The following CCSER1 variants were observed in gnomAD, a reference collection of about 807,000 sequenced individuals.
The protein encoded by CCSER1 is serine-rich coiled-coil domain-containing protein 1.
Under a neutral mutation model 82.0 loss-of-function variants are expected in CCSER1, and 41 were observed. The ratio of observed to expected loss-of-function variants is 0.50; its 90% CI spans 0.39 to 0.65. The LOEUF is 0.65. CCSER1 is among the 30% of genes least tolerant of loss of function. The pLI, the probability that CCSER1 is intolerant of heterozygous loss-of-function variation, is 0.00. For synonymous variants in CCSER1, 414 were observed against 383.9 expected (o/e 1.08, Z -0.92); for missense variants, 1,119 against 1,064.2 (o/e 1.05, Z -0.72).
chr4:91,431,511 G>A (rs774783786), intron 10 of CCSER1, among the ~76,000 whole-genome samples: 5 of 151,854 alleles, frequency 3.3e-5, no homozygotes, highest in East Asian at 1.9e-4. Context: ...CTTGTTGCCC[G>A]GGCTGGAGTG....
chr4:90,604,943 G>C (rs1217248683), intron 5 of CCSER1, among the ~76,000 whole-genome samples: 1 of 152,194 alleles, frequency 6.6e-6, no homozygotes, highest in African/African-American at 2.4e-5. Context: ...ATGTGGATGG[G>C]GTCAGATAAG....
At chr4:91,308,102 C>T (rs1261781942) in intron 10 of CCSER1, among the ~76,000 whole-genome samples, 9 of 151,902 alleles carry the variant, frequency 5.9e-5, no homozygotes, top group Middle Eastern at 3.4e-3. Flanking sequence ...TTCTTATTTC[C>T]AAAAAGGCAT....
rs1730351613 is a variant in CCSER1, at chr4:90,933,028, G to GAAAGAAAGAAAGAAAGA, written c.2172+9582_2172+9598dup. 6.9e-5 allele frequency among the ~76,000 whole-genome samples: 6 copies of GAAAGAAAGAAAGAAAGA among 87,064 alleles called. 1 individual carries two copies. In the East Asian group the frequency reaches 1.3e-3, roughly 18 times the overall value. The allele number at this position is 87,064 out of a possible 152,430, so 57.1% of individuals were successfully genotyped here. On this transcript the variant is annotated intron_variant, in intron 9 of 10. Transcript: ENST00000509176. ...AGAAAGAAAGAAAGAAAGAAAGAAAGAAAGAAAGAAAGAAAGAGAAGGAAG... is the reference window on the plus strand; with the variant it reads ...AGAAAGAAAGAAAGAAAGAAAGAAAGAAAGAAAGAAAGAAAGAAAAGAAAGAAAGAAAGAGAAGGAAG...
intron 9 of CCSER1, among the ~76,000 whole-genome samples, chr4:90,965,900 T>C (rs1734516981): frequency 6.6e-6 from 1 of 151,956 alleles, no homozygotes. Context: ...AATAAAGAAA[T>C]CAGCAAAGAG....
At chr4:91,075,918 A>G in intron 9 of CCSER1, among the ~76,000 whole-genome samples, 1 of 152,290 alleles carries the variant, frequency 6.6e-6, no homozygotes, top group East Asian at 1.9e-4. Context: ...TTCCTAGCAT[A>G]GGTTGTAAGT....
intron 10 of CCSER1, among the ~76,000 whole-genome samples, chr4:91,262,298 G>C (rs540745495): frequency 1.3e-5 from 2 of 151,828 alleles, no homozygotes; most frequent in South Asian, 4.2e-4. Flanking sequence ...ATACATTTAG[G>C]ACAAAATAGA....
At chr4:91,556,658 T>C (rs752791899) in intron 10 of CCSER1, among the ~76,000 whole-genome samples, 12 of 151,134 alleles carry the variant, frequency 7.9e-5, no homozygotes, top group Non-Finnish European at 1.5e-4. Context: ...GCCGACTCCA[T>C]GATCTTAGGG....
rs1031733192 is a variant in CCSER1 at position 91,262,248 on chromosome 4, T to C, written c.2217+176254T>C. ...AGATGAGGATAAAAATAAATCTACC[T>C]CTTAAGTTTCTTGTGAGTTTACAAT... is the stretch of plus-strand genomic sequence containing the variant. On this transcript the variant is annotated intron_variant, in intron 10 of 10. Coordinates refer to ENST00000509176, the MANE Select transcript of CCSER1 (RefSeq NM_001145065.2). Among the ~76,000 whole-genome samples the C allele has an allele frequency of 1.1e-4, 17 of 152,212 alleles. No individual in the cohort carries two copies. The East Asian group carries it at 3.3e-3, about 29-fold the overall frequency.
intron 1 of CCSER1, among the ~76,000 whole-genome samples, chr4:90,195,992 T>C (rs1245643266): frequency 1.3e-5 from 2 of 152,118 alleles, no homozygotes; most frequent in African/African-American, 4.8e-5. Context: ...CCCAATATCT[T>C]TTCCTTTGTT....
At chr4:90,146,287 A>G (rs1725797583) in intron 1 of CCSER1, among the ~76,000 whole-genome samples, 1 of 152,096 alleles carries the variant, frequency 6.6e-6, no homozygotes, top group African/African-American at 2.4e-5. Context: ...TCAGAGGAAT[A>G]TTTTAATATG....
At chr4:90,642,006 A>G in intron 6 of CCSER1, 1 of 310,054 alleles carries the variant, frequency 3.2e-6, no homozygotes, top group South Asian at 2.5e-5. Context: ...GTGTGATTCG[A>G]TGGGCTAAAT....
chr4:90,771,978 G>T (rs1580395219), intron 7 of CCSER1, among the ~76,000 whole-genome samples: 2 of 151,994 alleles, frequency 1.3e-5, no homozygotes. Context: ...TAAATCCCAG[G>T]TGCTGCCAGA....
chr4:91,493,040 G>T (rs1758631807), intron 10 of CCSER1, among the ~76,000 whole-genome samples: 1 of 151,944 alleles, frequency 6.6e-6, no homozygotes, highest in Non-Finnish European at 1.5e-5. Flanking sequence ...ATCTCTGAAA[G>T]CAATATGAAA....
chr4:90,200,061 GACACACAC>G (rs71596519), intron 1 of CCSER1, among the ~76,000 whole-genome samples: 12 of 144,864 alleles, frequency 8.3e-5, no homozygotes, highest in East Asian at 2.1e-4. Context: ...CGTGCACGCA[GACACACAC>G]ACACACACAC....
At chr4:90,471,547 AG>A (rs1764396458) in intron 5 of CCSER1, among the ~76,000 whole-genome samples, 2 of 152,140 alleles carry the variant, frequency 1.3e-5, no homozygotes, top group Non-Finnish European at 2.9e-5. Context: ...TAGAGATGCA[AG>A]AACATATAAA....
intron 1 of CCSER1, among the ~76,000 whole-genome samples, chr4:90,266,638 C>T (rs1450946953): frequency 6.6e-6 from 1 of 152,058 alleles, no homozygotes; most frequent in Non-Finnish European, 1.5e-5. Context: ...CTGCACAGCA[C>T]AGGAGAGAGA....
At chr4:91,236,581 T>C (rs74811722) in intron 10 of CCSER1, among the ~76,000 whole-genome samples, 2,122 of 152,314 alleles carry the variant, frequency 0.014, 44 homozygotes, top group African/African-American at 0.048. Context: ...TGGAATACTG[T>C]ATTTAAAATT....
In CCSER1 at chr4:90,362,715, C is replaced by A. The variant is rs1024333502; in HGVS notation, c.1510-37321C>A. On this transcript the variant is annotated intron_variant, in intron 3 of 10. Coordinates refer to ENST00000509176, the MANE Select transcript of CCSER1 (RefSeq NM_001145065.2). ...AGAGGCTACCATAGCCACAGACGTC[C>A]CTCTGTGTTTTTGATCCTCAGTCTA... Among the ~76,000 whole-genome samples the A allele has an allele frequency of 2.6e-5, 4 of 152,208 alleles. No individual in the cohort carries two copies. The East Asian group carries it at 7.7e-4, about 29-fold the overall frequency.
chr4:90,263,553 T>G (rs72877789), intron 1 of CCSER1, among the ~76,000 whole-genome samples: 6,813 of 152,230 alleles, frequency 0.045, 396 homozygotes, highest in African/African-American at 0.13. Flanking sequence ...GCAGGCAAAG[T>G]TGATAGCCGA....
Sources: gnomAD v4.1 joint callset for allele counts (sites outside exome capture counted in the v4.1 genomes callset) on GRCh38, gnomAD v4.1.1 for gene constraint, MANE v1.5 for transcripts, NCBI Gene and HGNC (gene_info 2026-07-23, HGNC 2026-07-21) for gene names.